ATF7: variants seen among roughly 807,000 people sequenced by gnomAD.
The protein encoded by ATF7 is activating transcription factor 7.
A neutral mutation model predicts 50.4 loss-of-function variants in ATF7; 10 were observed. The observed-to-expected ratio is 0.20, with a 90% confidence interval of 0.12 to 0.34. The LOEUF is 0.34. Among genes scored for constraint, ATF7 ranks in the 10% least tolerant of loss-of-function variants. The probability of loss-of-function intolerance (pLI) is 1.00; values close to 1 mark genes in which losing one functional copy is unlikely to be tolerated. For missense variants in ATF7, 465 were observed against 613.9 expected, an observed-to-expected ratio of 0.76 and a Z score of 2.56; for synonymous variants, 201 against 226.4, an observed-to-expected ratio of 0.89 and a Z score of 1.01.
intron 2 of ATF7, among the ~76,000 whole-genome samples, chr12:53,562,934 A>G (rs1941230945): frequency 6.6e-6 from 1 of 152,218 alleles, no homozygotes; most frequent in Non-Finnish European, 1.5e-5. Flanking sequence ...AATCATTCCC[A>G]AAGGAGATTT....
intron 9 of ATF7, among the ~76,000 whole-genome samples, chr12:53,528,357 G>A (rs767985934): frequency 1.5e-4 from 23 of 152,300 alleles, no homozygotes; most frequent in Non-Finnish European, 3.1e-4. Context: ...GCCAGGTGCA[G>A]TAGTTCATGC....
Position 53,584,169 on chromosome 12 carries a change from C to T in ATF7, c.48+16784G>A, listed in dbSNP as rs954345020. Among the ~76,000 whole-genome samples, 14 of 152,142 alleles carry T rather than the reference C, an allele frequency of 9.2e-5. No individual in the cohort carries two copies. In the South Asian group the frequency reaches 1.2e-3, roughly 14 times the overall value. On this transcript the variant is annotated intron_variant, in intron 2 of 11. Transcript: ENST00000420353. ...CTAATTTTTGTATTTTTAGGAGAGA[C>T]GGGGGTTTCATCATATTGGCCAGGC...
At position 53,517,027 on chromosome 12, in the gene ATF7, C is replaced by T. The variant is rs544093502; in HGVS notation, c.*110G>A. 1.1e-4 allele frequency: 130 copies of T among 1,198,060 alleles called. 2 individuals carry two copies. The South Asian group carries it at 1.7e-3, about 15-fold the overall frequency. 74.2% of individuals were successfully genotyped at this position (1,198,060 alleles called of 1,614,324 possible). A position where few individuals can be genotyped will look rare whatever the true frequency, so the allele number is the denominator to read the frequency against. ...GTCCATTACTCACAACACACAATTC[C>T]CCCCACCCATATTGCCATGTCCAAG... On this transcript the variant is annotated 3_prime_UTR_variant, in exon 12 of 12. Coordinates refer to ENST00000420353, the MANE Select transcript of ATF7 (RefSeq NM_006856.3).
intron 1 of ATF7, among the ~76,000 whole-genome samples, chr12:53,606,545 G>T (rs528870456): frequency 4.5e-4 from 69 of 152,106 alleles, no homozygotes; most frequent in Middle Eastern, 3.4e-3. Flanking sequence ...ACTGTGCCTG[G>T]CCTGGCACGT....
intron 2 of ATF7, among the ~76,000 whole-genome samples, chr12:53,577,659 T>C (rs1472427181): frequency 6.9e-6 from 1 of 144,190 alleles, no homozygotes; most frequent in Admixed American, 7.2e-5. Context: ...GAGCTTGCAG[T>C]GAGCCGAGAT....
chr12:53,583,140 T>C (rs1003921435), intron 2 of ATF7, among the ~76,000 whole-genome samples: 1 of 152,002 alleles, frequency 6.6e-6, no homozygotes, highest in Non-Finnish European at 1.5e-5. Flanking sequence ...TAGAAGATAA[T>C]ATAGGGGAAC....
chr12:53,533,334 G>T, intron 6 of ATF7, 75 bp from the exon 7 acceptor site: 1 of 1,284,114 alleles, frequency 7.8e-7, no homozygotes, highest in Non-Finnish European at 1.1e-6. Context: ...AATTACAGAA[G>T]ATTTTCCAGT....
chr12:53,602,269 A>C (rs567731008), intron 1 of ATF7, among the ~76,000 whole-genome samples: 2 of 152,238 alleles, frequency 1.3e-5, no homozygotes, highest in Non-Finnish European at 2.9e-5. Context: ...TCAGAACTGT[A>C]ACCAAATTTC....
At chr12:53,529,072 T>G (rs1344035068) in intron 9 of ATF7, among the ~76,000 whole-genome samples, 5 of 152,240 alleles carry the variant, frequency 3.3e-5, no homozygotes, top group Admixed American at 3.3e-4. Flanking sequence ...AGTCTCCATC[T>G]CTTTTAAAAT....
chr12:53,558,075 G>A (rs933737734), intron 2 of ATF7, among the ~76,000 whole-genome samples: 2 of 152,194 alleles, frequency 1.3e-5, no homozygotes, highest in Non-Finnish European at 2.9e-5. Flanking sequence ...TATGCTCCAA[G>A]ATCCCACGGG....
chr12:53,537,076 CT>C (rs1192462164), intron 5 of ATF7, among the ~76,000 whole-genome samples: 6 of 149,510 alleles, frequency 4.0e-5, no homozygotes, highest in East Asian at 2.0e-4. Flanking sequence ...ATAATACATA[CT>C]TTTTTTTTTC....
chr12:53,597,677 C>T (rs991679787), intron 2 of ATF7, among the ~76,000 whole-genome samples: 5 of 151,796 alleles, frequency 3.3e-5, no homozygotes, highest in African/African-American at 4.8e-5. Flanking sequence ...GGTGTGGTGG[C>T]GGGTGCCTGT....
At chr12:53,582,517 A>G (rs1026892274) in intron 2 of ATF7, among the ~76,000 whole-genome samples, 1 of 152,068 alleles carries the variant, frequency 6.6e-6, no homozygotes, top group Non-Finnish European at 1.5e-5. Flanking sequence ...CTAGAAAGCT[A>G]CAGTAGCAAA....
intron 1 of ATF7, among the ~76,000 whole-genome samples, chr12:53,610,238 T>C (rs1385575555): frequency 6.6e-6 from 1 of 152,064 alleles, no homozygotes; most frequent in Non-Finnish European, 1.5e-5. Context: ...GTCAGTCTGA[T>C]CCTAGTTACC....
chr12:53,533,296 AC>A, intron 6 of ATF7, 37 bp from the exon 7 acceptor site: 1 of 1,509,848 alleles, frequency 6.6e-7, no homozygotes, highest in Non-Finnish European at 9.2e-7. Context: ...CATAACACAG[AC>A]CTTTTGTCCA....
chr12:53,546,360 C>A (rs929190254), intron 3 of ATF7, among the ~76,000 whole-genome samples: 1 of 105,482 alleles, frequency 9.5e-6, no homozygotes, highest in African/African-American at 3.6e-5. Flanking sequence ...AGTGACAGAG[C>A]CAGAACCTGT....
chr12:53,612,918 C>A (rs140018898), intron 1 of ATF7, among the ~76,000 whole-genome samples: 1 of 152,038 alleles, frequency 6.6e-6, no homozygotes, highest in African/African-American at 2.4e-5. Context: ...GCACAAAAAT[C>A]GCTTGAACCT....
intron 2 of ATF7, among the ~76,000 whole-genome samples, chr12:53,557,135 A>G (rs1328234528): frequency 6.6e-6 from 1 of 152,180 alleles, no homozygotes; most frequent in Non-Finnish European, 1.5e-5. Flanking sequence ...AAAATGGGTG[A>G]AGGGACTCCC....
chr12:53,585,301 A>T (rs866391247), intron 2 of ATF7, among the ~76,000 whole-genome samples: 3 of 152,174 alleles, frequency 2.0e-5, no homozygotes, highest in Admixed American at 2.0e-4. Context: ...TAAAACCTAC[A>T]GAATTTGTAA....
Sources: gnomAD v4.1 joint callset for allele counts (sites outside exome capture counted in the v4.1 genomes callset) on GRCh38, gnomAD v4.1.1 for gene constraint, MANE v1.5 for transcripts, NCBI Gene and HGNC (gene_info 2026-07-23, HGNC 2026-07-21) for gene names.